The following LYN variants were observed in gnomAD, a reference collection of about 807,000 sequenced individuals.
The protein encoded by LYN is LYN proto-oncogene, Src family tyrosine kinase, also known as tyrosine-protein kinase Lyn.
Under a neutral mutation model 65.0 loss-of-function variants are expected in LYN, and 12 were observed. The ratio of observed to expected loss-of-function variants is 0.18; its 90% CI spans 0.12 to 0.30. The LOEUF (loss-of-function observed/expected upper bound fraction) is 0.30, where lower values mean the gene tolerates loss of function less well. Among genes scored for constraint, LYN ranks in the 10% least tolerant of loss-of-function variants. The probability of loss-of-function intolerance (pLI) is 1.00; values close to 1 mark genes in which losing one functional copy is unlikely to be tolerated. For synonymous variants in LYN, 222 were observed against 221.2 expected (o/e 1.00, Z -0.03); for missense variants, 380 against 623.2 (o/e 0.61, Z 4.16).
chr8:55,908,989 G>GTGTGTATATA (rs1379592685), intron 1 of LYN, among the ~76,000 whole-genome samples: 1 of 20,398 alleles, frequency 4.9e-5, no homozygotes, highest in Non-Finnish European at 8.5e-5. Flanking sequence ...CATTGTGTAT[G>GTGTGTATATA]TATATATATA....
At chr8:55,961,201 A>G (rs1489578972) in intron 8 of LYN, among the ~76,000 whole-genome samples, 2 of 152,206 alleles carry the variant, frequency 1.3e-5, no homozygotes, top group African/African-American at 2.4e-5. Flanking sequence ...TTAGCAAGCC[A>G]GTCACAGCCG....
At chr8:55,976,466 T>C (rs189198351) in intron 10 of LYN, among the ~76,000 whole-genome samples, 2 of 152,118 alleles carry the variant, frequency 1.3e-5, no homozygotes, top group African/African-American at 4.8e-5. Flanking sequence ...CCCCTCACCC[T>C]CTTGGTGTGG....
intron 10 of LYN, among the ~76,000 whole-genome samples, chr8:55,971,852 T>C (rs1190262930): frequency 6.6e-6 from 1 of 152,174 alleles, no homozygotes. Context: ...TAGAAATGAA[T>C]AGGGGGAGAA....
At chr8:55,985,458 T>C (rs1808050558) in intron 10 of LYN, among the ~76,000 whole-genome samples, 1 of 152,178 alleles carries the variant, frequency 6.6e-6, no homozygotes, top group Admixed American at 6.5e-5. Flanking sequence ...AGCAAATCTG[T>C]TTCAGGTATA....
At chr8:56,002,772 G>A (rs1028301860) in intron 12 of LYN, among the ~76,000 whole-genome samples, 2 of 152,116 alleles carry the variant, frequency 1.3e-5, no homozygotes, top group African/African-American at 4.8e-5. Context: ...GTCCCTGGAA[G>A]GACTGGGGAT....
chr8:55,912,471 A>G (rs1805663712), intron 1 of LYN, among the ~76,000 whole-genome samples: 2 of 152,208 alleles, frequency 1.3e-5, no homozygotes, highest in Admixed American at 1.3e-4. Flanking sequence ...TATGCCTGTA[A>G]TCCCGCACTT....
At chr8:55,987,145 G>T (rs1808093930) in intron 10 of LYN, among the ~76,000 whole-genome samples, 1 of 152,110 alleles carries the variant, frequency 6.6e-6, no homozygotes, top group Non-Finnish European at 1.5e-5. Context: ...AGGCGCTGTG[G>T]CTCATGCGTG....
intron 8 of LYN, among the ~76,000 whole-genome samples, chr8:55,963,998 G>T (rs572393009): frequency 5.5e-4 from 83 of 152,270 alleles, no homozygotes; most frequent in Admixed American, 2.5e-3. Context: ...AAAGGCTTTT[G>T]TTGGTGGAAT....
chr8:55,995,681 G>A (rs1808356515), intron 10 of LYN, among the ~76,000 whole-genome samples: 3 of 152,122 alleles, frequency 2.0e-5, no homozygotes, highest in South Asian at 4.1e-4. Context: ...CATAGGTCGG[G>A]TGAAAGGGGC....
chr8:55,947,488 G>T, intron 3 of LYN, 130 bp from the exon 4 acceptor site: 1 of 684,988 alleles, frequency 1.5e-6, no homozygotes, highest in South Asian at 1.6e-5. Context: ...AGCCCACTAG[G>T]CAGGAAGCAC....
intron 3 of LYN, among the ~76,000 whole-genome samples, 192 bp downstream of exon 3, chr8:55,946,685 C>T (rs892801724): frequency 1.1e-4 from 17 of 151,924 alleles, no homozygotes; most frequent in Admixed American, 9.2e-4. Flanking sequence ...CAACCAATAC[C>T]GCCCTCCATC....
chr8:55,892,157 G>A (rs1458052162), intron 1 of LYN, among the ~76,000 whole-genome samples: 1 of 152,190 alleles, frequency 6.6e-6, no homozygotes, highest in African/African-American at 2.4e-5. Flanking sequence ...GCGCAGTGGC[G>A]CACACCTGTA....
intron 1 of LYN, among the ~76,000 whole-genome samples, chr8:55,906,771 A>G (rs1401342711): frequency 6.6e-6 from 1 of 152,090 alleles, no homozygotes; most frequent in Non-Finnish European, 1.5e-5. Context: ...AATAAATGAA[A>G]TGTATCCCAG....
intron 10 of LYN, among the ~76,000 whole-genome samples, chr8:55,991,085 C>G (rs1486893713): frequency 6.6e-6 from 1 of 152,194 alleles, no homozygotes; most frequent in Non-Finnish European, 1.5e-5. Context: ...GCAGCTGTGT[C>G]CATAGTGGCC....
At chr8:55,972,864 A>T (rs1018974847) in intron 10 of LYN, among the ~76,000 whole-genome samples, 51 of 152,292 alleles carry the variant, frequency 3.3e-4, no homozygotes, top group African/African-American at 1.2e-3. Context: ...ACAGAAGTCC[A>T]TTTGCTGTGT....
intron 4 of LYN, among the ~76,000 whole-genome samples, chr8:55,948,051 G>T (rs1429625896): frequency 6.6e-6 from 1 of 151,988 alleles, no homozygotes; most frequent in Non-Finnish European, 1.5e-5. Context: ...ATAGCTCACT[G>T]CAGCCTTGAA....
At chr8:55,997,008 A>G (rs1486837391) in intron 10 of LYN, among the ~76,000 whole-genome samples, 2 of 151,990 alleles carry the variant, frequency 1.3e-5, no homozygotes, top group Non-Finnish European at 2.9e-5. Flanking sequence ...TAAAAATACA[A>G]AAATTCGCCA....
intron 10 of LYN, among the ~76,000 whole-genome samples, chr8:55,984,111 A>T (rs1215524751): frequency 6.6e-6 from 1 of 152,032 alleles, no homozygotes. Context: ...TCTCATAAAG[A>T]TACCAGTGGT....
intron 1 of LYN, among the ~76,000 whole-genome samples, chr8:55,885,949 G>A (rs1286449477): frequency 1.3e-5 from 2 of 149,752 alleles, no homozygotes; most frequent in Non-Finnish European, 3.0e-5. Flanking sequence ...TTGCCCTTAA[G>A]TGAGGGGTGG....
Sources: gnomAD v4.1 joint callset for allele counts (sites outside exome capture counted in the v4.1 genomes callset) on GRCh38, gnomAD v4.1.1 for gene constraint, MANE v1.5 for transcripts, NCBI Gene and HGNC (gene_info 2026-07-23, HGNC 2026-07-21) for gene names.